C5: variants seen among roughly 807,000 people sequenced by gnomAD.
C5 encodes complement C5.
C5 carries 140 observed loss-of-function variants against 218.8 expected under a neutral mutation model. The observed-to-expected ratio is 0.64, with a 90% CI of 0.56 to 0.74. The LOEUF is 0.74. C5 is among the 30% of genes least tolerant of loss of function. The probability of loss-of-function intolerance (pLI) is 0.00; values close to 1 mark genes in which losing one functional copy is unlikely to be tolerated. For missense variants in C5, 1,700 were observed against 1,969.6 expected, an observed-to-expected ratio of 0.86 and a Z score of 2.59; for synonymous variants, 614 against 682.3, an observed-to-expected ratio of 0.90 and a Z score of 1.56.
At chr9:120,982,244 T>G (rs933296451) in intron 26 of C5, among the ~76,000 whole-genome samples, 1 of 152,210 alleles carries the variant, frequency 6.6e-6, no homozygotes, top group Non-Finnish European at 1.5e-5. Flanking sequence ...ACTCCTGACC[T>G]CATGATCCGC....
intron 17 of C5, among the ~76,000 whole-genome samples, chr9:121,010,745 T>C (rs536641899): frequency 3.3e-5 from 5 of 152,008 alleles, no homozygotes; most frequent in Non-Finnish European, 7.4e-5. Context: ...TACTATAGTA[T>C]AATTCAAAAC....
At chr9:121,061,828 C>G in the C5 span, among the ~76,000 whole-genome samples, 3 of 152,344 alleles carry the variant, frequency 2.0e-5, no homozygotes, top group Admixed American at 2.0e-4. Flanking sequence ...ATGCACAAAA[C>G]TAGCTCAGCT....
chr9:120,969,408 T>C (rs570536927), intron 32 of C5, among the ~76,000 whole-genome samples: 1 of 151,278 alleles, frequency 6.6e-6, no homozygotes, highest in South Asian at 2.1e-4. Flanking sequence ...TTGGGGGATG[T>C]TGGAGGGAGG....
At chr9:121,000,037 C>T (rs773478578) in intron 20 of C5, 16 of 267,238 alleles carry the variant, frequency 6.0e-5, no homozygotes, top group South Asian at 4.2e-4. Flanking sequence ...CCAGCCTGGG[C>T]GACAGGGCGA....
intron 29 of C5, among the ~76,000 whole-genome samples, chr9:120,976,335 CA>C (rs1462120313): frequency 1.3e-5 from 2 of 152,192 alleles, no homozygotes; most frequent in African/African-American, 4.8e-5. Context: ...GAAGGAGCAT[CA>C]GTACCTTTGT....
intron 15 of C5, 36 bp downstream of exon 15, chr9:121,016,218 T>G (rs375255324): frequency 3.3e-5 from 54 of 1,612,910 alleles, no homozygotes; most frequent in Non-Finnish European, 4.5e-5. Flanking sequence ...AAATGATCAA[T>G]GGGATTTTCA....
intron 25 of C5, among the ~76,000 whole-genome samples, chr9:120,985,995 C>T (rs2047030003): frequency 6.6e-6 from 1 of 152,172 alleles, no homozygotes; most frequent in Admixed American, 6.5e-5. Context: ...ACATGCTGAC[C>T]TGTACGTAGC....
chr9:120,963,102 T>A, intron 34 of C5, 135 bp from the exon 35 acceptor site: 1 of 744,970 alleles, frequency 1.3e-6, no homozygotes, highest in Non-Finnish European at 2.4e-6. Context: ...TTCCTCTTCT[T>A]GAAAAAGTCT....
At chr9:121,055,515 T>C in the C5 span, among the ~76,000 whole-genome samples, 3 of 151,980 alleles carry the variant, frequency 2.0e-5, no homozygotes, top group Non-Finnish European at 4.4e-5. Flanking sequence ...ACAGAGGACT[T>C]TGTCTTGCAA....
At chr9:121,051,577 A>G (rs1300210290), upstream of C5, among the ~76,000 whole-genome samples, 1 of 152,174 alleles carries the variant, frequency 6.6e-6, no homozygotes, top group Non-Finnish European at 1.5e-5. Context: ...TATTTCTATA[A>G]TGAGATATTT....
At chr9:121,022,903 C>T (rs1211684055) in intron 10 of C5, among the ~76,000 whole-genome samples, 1 of 151,566 alleles carries the variant, frequency 6.6e-6, no homozygotes, top group Admixed American at 6.6e-5. Flanking sequence ...ATGAAAAGAA[C>T]AGAGAGCAAT....
chr9:121,064,037 C>T, the C5 span, among the ~76,000 whole-genome samples: 77,807 of 151,834 alleles, frequency 0.51, 22,340 homozygotes, highest in South Asian at 0.8. Flanking sequence ...ATCTCACCAG[C>T]ATTGACCTAT....
chr9:121,042,665 T>C (rs2047591168), intron 3 of C5, among the ~76,000 whole-genome samples: 1 of 152,238 alleles, frequency 6.6e-6, no homozygotes, highest in African/African-American at 2.4e-5. Context: ...GCATAGCTAA[T>C]TCTACAGCAG....
intron 18 of C5, among the ~76,000 whole-genome samples, 194 bp downstream of exon 18, chr9:121,008,214 A>G (rs1015195766): frequency 6.6e-6 from 1 of 152,212 alleles, no homozygotes; most frequent in African/African-American, 2.4e-5. Flanking sequence ...ACCTGGAGCC[A>G]ATCACCAGTA....
At chr9:120,973,961 G>A (rs1445904269) in intron 30 of C5, among the ~76,000 whole-genome samples, 3 of 148,140 alleles carry the variant, frequency 2.0e-5, no homozygotes, top group Admixed American at 6.6e-5. Context: ...CAACAAGAGC[G>A]AAACTCCATC....
chr9:121,001,019 G>A (rs2047157032), intron 20 of C5, among the ~76,000 whole-genome samples: 1 of 152,078 alleles, frequency 6.6e-6, no homozygotes, highest in Admixed American at 6.5e-5. Flanking sequence ...AAGATCTACA[G>A]ATTTTATAAC....
chr9:120,984,617 G>A (rs780770942), intron 25 of C5, among the ~76,000 whole-genome samples: 12 of 151,356 alleles, frequency 7.9e-5, no homozygotes, highest in Non-Finnish European at 1.3e-4. Context: ...TAGAAACAAC[G>A]GACTCATCCT....
chr9:121,060,282 T>C, the C5 span, among the ~76,000 whole-genome samples: 1 of 152,224 alleles, frequency 6.6e-6, no homozygotes, highest in Non-Finnish European at 1.5e-5. Context: ...TAATTCGTGC[T>C]GATTAAGTCA....
intron 15 of C5, among the ~76,000 whole-genome samples, chr9:121,015,575 G>A (rs1012532441): frequency 1.3e-5 from 2 of 151,850 alleles, no homozygotes; most frequent in African/African-American, 4.8e-5. Flanking sequence ...GCTTTTGTTG[G>A]GTATGCTATT....
Sources: gnomAD v4.1 joint callset for allele counts (sites outside exome capture counted in the v4.1 genomes callset) on GRCh38, gnomAD v4.1.1 for gene constraint, MANE v1.5 for transcripts, NCBI Gene and HGNC (gene_info 2026-07-23, HGNC 2026-07-21) for gene names.